The following URB1 variants were observed in gnomAD, a reference collection of about 807,000 sequenced individuals.
URB1 encodes nucleolar pre-ribosomal-associated protein 1.
A neutral mutation model predicts 242.3 loss-of-function variants in URB1; 197 were observed. The observed-to-expected ratio is 0.81, with a 90% CI of 0.72 to 0.91. URB1 has a LOEUF of 0.91. Ranked by LOEUF, URB1 falls within the 40% of genes least tolerant of loss-of-function variation. The probability of loss-of-function intolerance (pLI) is 0.00; values close to 1 mark genes in which losing one functional copy is unlikely to be tolerated. For missense variants in URB1, 2,721 were observed against 2,860.5 expected, an observed-to-expected ratio of 0.95 and a Z score of 1.11; for synonymous variants, 1,153 against 1,201.8, an observed-to-expected ratio of 0.96 and a Z score of 0.84.
At chr21:32,331,476 T>C (rs547170964) in intron 30 of URB1, among the ~76,000 whole-genome samples, 1 of 152,270 alleles carries the variant, frequency 6.6e-6, no homozygotes, top group African/African-American at 2.4e-5. Context: ...AAATATAAGA[T>C]GATTCTGGAA....
At chr21:32,320,146 G>T (rs78196676) in intron 35 of URB1, among the ~76,000 whole-genome samples, 10 of 152,230 alleles carry the variant, frequency 6.6e-5, no homozygotes, top group African/African-American at 2.4e-4. Context: ...TCCTGCAAGA[G>T]GGCTGCAGCT....
At position 32,354,877 on chromosome 21, in the gene URB1, G is replaced by A; in HGVS notation, c.2227C>T (p.Pro743Ser). The A allele has an allele frequency of 6.4e-7, 1 of 1,552,354 alleles. No individual in the cohort carries two copies. The highest frequency in any genetic ancestry group is 1.2e-5 in the South Asian group (1 of 84,052). The change falls in exon 17 of 39, where the codon CCC (proline) becomes TCC (serine). Residue 743 changes from proline (P) to serine (S), a missense_variant. Physicochemically the swap from Pro to Ser is moderately conservative, Grantham distance 74. Transcript: ENST00000382751. ...AACATACCGTCAATGTGGGAGATGGGAATGCTCATGTCATCGGCTTCTTGC... is the reference window on the plus strand; with the variant it reads ...AACATACCGTCAATGTGGGAGATGGAAATGCTCATGTCATCGGCTTCTTGC... ...TKQEADDMSI[P>S]ISHIDDVLDM... is the part of the protein sequence containing the mutation.
intron 1 of URB1, among the ~76,000 whole-genome samples, chr21:32,388,098 G>A (rs1054958591): frequency 6.6e-6 from 1 of 152,148 alleles, no homozygotes; most frequent in East Asian, 1.9e-4. Context: ...TGCCGGGGAC[G>A]CATGAGCACG....
intron 2 of URB1, 21 bp from the exon 3 acceptor site, chr21:32,384,485 C>T (rs569284462): frequency 2.5e-5 from 38 of 1,545,794 alleles, no homozygotes; most frequent in South Asian, 1.8e-4. Context: ...AGAATTGAAA[C>T]GCTTAGAAAT....
intron 18 of URB1, among the ~76,000 whole-genome samples, chr21:32,353,592 A>G (rs2033183275): frequency 6.6e-6 from 1 of 152,216 alleles, no homozygotes; most frequent in African/African-American, 2.4e-5. Flanking sequence ...TTGCCTGGAA[A>G]ATCCAACAAG....
chr21:32,329,465 T>G (rs1309665287), intron 30 of URB1, among the ~76,000 whole-genome samples: 1 of 152,236 alleles, frequency 6.6e-6, no homozygotes, highest in East Asian at 1.9e-4. Context: ...GAATTGCAAA[T>G]GGGGCTTCCT....
At chr21:32,361,162 A>AGAAAGAAAGAAAG in intron 12 of URB1, 39 bp from the exon 13 acceptor site, 1 of 551,562 alleles carries the variant, frequency 1.8e-6, no homozygotes, top group South Asian at 2.3e-5. Context: ...AAGAGAAAAA[A>AGAAAGAAAGAAAG]GAAAGAAAGA....
In URB1 at chr21:32,361,864, A is replaced by T. The variant is rs767815985; in HGVS notation, c.1639+28T>A. ...CAGCTCTGTCCCATGCAAAAGGCAG[A>T]GGGTCCCCCTCACCCCTGAGACCTT... On this transcript the variant is annotated intron_variant, in intron 12 of 38. Transcript: ENST00000382751. The T allele has an allele frequency of 2.3e-5, 35 of 1,548,068 alleles. 1 individual carries two copies. In the South Asian group the frequency reaches 4.1e-4, roughly 18 times the overall value.
At position 32,383,546 on chromosome 21, in the gene URB1, C is replaced by A; in HGVS notation, c.443G>T (p.Arg148Leu). 6.4e-7 allele frequency: 1 copy of A among 1,551,266 alleles called. No homozygotes were observed. Among genetic ancestry groups the A allele is most frequent in the Non-Finnish European group, 8.7e-7 (1 of 1,146,874 alleles). Residue 148 changes from arginine to leucine, a missense_variant, in exon 4 of 39, where the codon CGC becomes CTC. Physicochemically the swap from Arg to Leu is moderately radical, Grantham distance 102 (BLOSUM62 -2). Coordinates refer to ENST00000382751, the MANE Select transcript of URB1 (RefSeq NM_014825.3). ...GGCGGTCATCAGGCTCAGGCAGGCG[C>A]GAGCCAACCTGCACAGGGAACCAGA... ...SLYASGYRLA[R>L]ACLSLMTAMV...
chr21:32,316,322 C>T, intron 38 of URB1, 144 bp downstream of exon 38: 2 of 1,308,370 alleles, frequency 1.5e-6, no homozygotes, highest in African/African-American at 1.5e-5. Context: ...AACCCCAGAA[C>T]CGTAAGGGGC....
rs746274352 is a variant in URB1 at position 32,347,092 on chromosome 21, G to A, written c.3732C>T (p.His1244=). 4.8e-5 allele frequency: 75 copies of A among 1,550,342 alleles called. No homozygotes were observed. The highest frequency in any genetic ancestry group is 6.5e-5 in the Non-Finnish European group (74 of 1,146,664). Residue 1244 remains histidine, a synonymous_variant, in exon 22 of 39, where the codon CAC becomes CAT. Transcript: ENST00000382751. ...GGCACCACTGCTCGAACCACAGCAAGTGGGTGCAGCTCTCCTGGAGGAGCA... is the reference window on the plus strand; with the variant it reads ...GGCACCACTGCTCGAACCACAGCAAATGGGTGCAGCTCTCCTGGAGGAGCA... ...AALLLQESCT[H]LLWFEQWCLQ... is the part of the protein sequence containing the mutation.
chr21:32,373,719 C>A lies in URB1; in HGVS notation c.804G>T (p.Gly268=). ...GCGATGCTATGTGGTTCAATAACTG[C>A]CCCGTAAAGAAACGCACCTTCTGGG... The part of the protein sequence containing the change: ...TKTQKVRFFT[G]QLLNHIASLY... The change falls in exon 7 of 39, where the codon GGG becomes GGT. Residue 268 remains glycine (G), a synonymous_variant. Transcript: ENST00000382751. 2 of 1,548,820 alleles carry A rather than the reference C, an allele frequency of 1.3e-6. No homozygotes were observed. The highest frequency in any genetic ancestry group is 2.4e-5 in the South Asian group (2 of 83,452).
chr21:32,346,947 T>G lies in URB1; in HGVS notation c.3868+9A>C. The G allele has an allele frequency of 6.7e-7, 1 of 1,490,188 alleles. No homozygotes were observed. Among genetic ancestry groups the G allele is most frequent in the Non-Finnish European group, 9.0e-7 (1 of 1,110,810 alleles). The allele number at this position is 1,490,188 out of a possible 1,614,324, so 92.3% of individuals were successfully genotyped here. Reference sequence around the variant, plus strand: ...GACCCCAGCTGCCCAAAGCTAGCCTTTCCCTTACCTCCTGCTGGGCGTGTG... The same window carrying G: ...GACCCCAGCTGCCCAAAGCTAGCCTGTCCCTTACCTCCTGCTGGGCGTGTG... On this transcript the variant is annotated intron_variant, in intron 22 of 38. Coordinates refer to ENST00000382751, the MANE Select transcript of URB1 (RefSeq NM_014825.3).
At chr21:32,336,402 C>A in intron 28 of URB1, among the ~76,000 whole-genome samples, 1 of 152,160 alleles carries the variant, frequency 6.6e-6, no homozygotes, top group Non-Finnish European at 1.5e-5. Context: ...ACATACTGAG[C>A]AGATGTTCCA....
At chr21:32,345,309 C>G in intron 23 of URB1, 65 bp downstream of exon 23, 1 of 1,504,346 alleles carries the variant, frequency 6.6e-7, no homozygotes, top group Non-Finnish European at 9.0e-7. Flanking sequence ...ATGACTTACT[C>G]TATGAATTAA....
chr21:32,333,426 G>C lies in URB1; in HGVS notation c.4858-7C>G. On this transcript the variant is annotated splice_region_variant and splice_polypyrimidine_tract_variant and intron_variant, in intron 29 of 38. Coordinates refer to ENST00000382751, the MANE Select transcript of URB1 (RefSeq NM_014825.3). ...ATATCAGCTCCTGTGTGTCCTGAAA[G>C]AGCCAAAATCAACAAAAACGTGTGA... The C allele has an allele frequency of 6.5e-7, 1 of 1,548,696 alleles. No individual in the cohort carries two copies. Among genetic ancestry groups the C allele is most frequent in the Admixed American group, 2.0e-5 (1 of 50,618 alleles).
rs1601136768 is a variant in URB1, at chr21:32,347,485, T to C, written c.3339A>G (p.Pro1113=). 1.9e-6 allele frequency: 3 copies of C among 1,551,114 alleles called. No individual in the cohort carries two copies. The highest frequency in any genetic ancestry group is 2.0e-5 in the Admixed American group (1 of 50,950). The change falls in exon 22 of 39, where the codon CCA becomes CCG. Residue 1113 remains proline, a synonymous_variant. Transcript: ENST00000382751. Reference sequence around the variant, plus strand: ...CACGGAGCTGGGCACCCTCCATGTATGGATGCAGCTCCTGCAGGGCCTCCA... The same window carrying C: ...CACGGAGCTGGGCACCCTCCATGTACGGATGCAGCTCCTGCAGGGCCTCCA... The part of the protein sequence containing the change: ...PQLEALQELH[P]YMEGAQLREV...
rs369416936 is a variant in URB1 at position 32,373,794 on chromosome 21, T to G, written c.751-22A>C. The G allele has an allele frequency of 8.4e-5, 126 of 1,491,760 alleles. No homozygotes were observed. In the African/African-American group the frequency reaches 1.6e-3, roughly 18 times the overall value. 92.4% of individuals were successfully genotyped at this position (1,491,760 alleles called of 1,614,324 possible). A position where few individuals can be genotyped will look rare whatever the true frequency, so the allele number is the denominator to read the frequency against. The stretch of plus-strand genomic sequence containing the variant: ...CTACCTGAAACAATAATAAAACAAA[T>G]TATTAAAAAACAAATTATGAAAAAG... On this transcript the variant is annotated intron_variant, in intron 6 of 38. Transcript: ENST00000382751.
chr21:32,372,525 G>A lies in URB1; in HGVS notation c.983C>T (p.Ser328Phe), dbSNP rs2123611924. The change falls in exon 8 of 39, where the codon TCT becomes TTT. Residue 328 changes from serine (S) to phenylalanine (F), a missense_variant. Coordinates refer to ENST00000382751, the MANE Select transcript of URB1 (RefSeq NM_014825.3). ...ACTTTACCTGCCAAAGGTACCCAAA[G>A]ATGCATCGTAAAAATTAATTCCATG... is the stretch of plus-strand genomic sequence containing the variant. ...LKHGINFYDA[S>F]LGTFGRGGNL... The A allele has an allele frequency of 6.4e-7, 1 of 1,551,456 alleles. No individual in the cohort carries two copies. Among genetic ancestry groups the A allele is most frequent in the East Asian group, 2.4e-5 (1 of 40,926 alleles).
Sources: gnomAD v4.1 joint callset for allele counts (sites outside exome capture counted in the v4.1 genomes callset) on GRCh38, gnomAD v4.1.1 for gene constraint, MANE v1.5 for transcripts, NCBI Gene and HGNC (gene_info 2026-07-23, HGNC 2026-07-21) for gene names.